CACNA2D2: variants seen among roughly 807,000 people sequenced by gnomAD.
CACNA2D2 encodes calcium voltage-gated channel auxiliary subunit alpha2delta 2.
CACNA2D2 carries 48 observed loss-of-function variants against 166.4 expected under a neutral mutation model. The observed-to-expected ratio is 0.29, with a 90% confidence interval of 0.23 to 0.37. The LOEUF (loss-of-function observed/expected upper bound fraction) is 0.37, where lower values mean the gene tolerates loss of function less well. Among genes scored for constraint, CACNA2D2 ranks in the 10% least tolerant of loss-of-function variants. The probability of loss-of-function intolerance (pLI) is 1.00; values close to 1 mark genes in which losing one functional copy is unlikely to be tolerated. For synonymous variants in CACNA2D2, 561 were observed against 573.7 expected (o/e 0.98, Z 0.32); for missense variants, 1,122 against 1,433.0 (o/e 0.78, Z 3.50).
intron 2 of CACNA2D2, among the ~76,000 whole-genome samples, chr3:50,459,635 G>C (rs962346356): frequency 6.6e-6 from 1 of 152,182 alleles, no homozygotes; most frequent in African/African-American, 2.4e-5. Flanking sequence ...AAGGGACCTA[G>C]GTGCGAACTC....
At chr3:50,425,946 T>C (rs1446552868) in intron 3 of CACNA2D2, among the ~76,000 whole-genome samples, 2 of 152,178 alleles carry the variant, frequency 1.3e-5, no homozygotes, top group Admixed American at 6.5e-5. Flanking sequence ...GGACTGGCCA[T>C]CCTCTCCAGC....
chr3:50,418,630 G>A (rs754374189), intron 3 of CACNA2D2, among the ~76,000 whole-genome samples: 1 of 152,242 alleles, frequency 6.6e-6, no homozygotes, highest in Non-Finnish European at 1.5e-5. Flanking sequence ...GGGGGCCAGT[G>A]TGCAGGGATC....
chr3:50,431,787 C>T (rs1473839231), intron 3 of CACNA2D2, among the ~76,000 whole-genome samples: 4 of 151,938 alleles, frequency 2.6e-5, no homozygotes. Flanking sequence ...GAGTTTGAGA[C>T]CAGCCTAGCC....
rs758879318 is a variant in CACNA2D2, at chr3:50,367,615, G to A, written c.2297+27C>T. ...ATGCAGGTTCCCTGGCAGGGGCAGG[G>A]TTTGGGTAGTGGGATAGGTCACTTA... On this transcript the variant is annotated intron_variant, in intron 26 of 37. Coordinates refer to ENST00000424201, the MANE Select transcript of CACNA2D2 (RefSeq NM_006030.4). The surrounding 1 kb of genome is among the most constrained non-coding windows in gnomAD (Gnocchi z 6.5). 2.5e-5 allele frequency: 41 copies of A among 1,610,666 alleles called. No individual in the cohort carries two copies. In the South Asian group the frequency reaches 3.7e-4, roughly 15 times the overall value.
intron 2 of CACNA2D2, among the ~76,000 whole-genome samples, chr3:50,446,735 C>A (rs2106939347): frequency 6.6e-6 from 1 of 152,372 alleles, no homozygotes; most frequent in South Asian, 2.1e-4. Context: ...GCCCCTAATT[C>A]ATTTGCCTGG....
At chr3:50,415,041 C>A (rs17050977) in intron 3 of CACNA2D2, among the ~76,000 whole-genome samples, 4,746 of 152,296 alleles carry the variant, frequency 0.031, 243 homozygotes, top group African/African-American at 0.11. Context: ...AAAGGCCTCC[C>A]GGAGAACGCG....
rs1697755969 is a variant in CACNA2D2, at chr3:50,476,207, CAG to C, written c.207-10_207-9del. The C allele has an allele frequency of 1.3e-6, 2 of 1,580,032 alleles. No individual in the cohort carries two copies. Among genetic ancestry groups the C allele is most frequent in the Non-Finnish European group, 1.7e-6 (2 of 1,164,058 alleles). On this transcript the variant is annotated splice_polypyrimidine_tract_variant and intron_variant, in intron 1 of 37. Transcript: ENST00000424201. ...CGGGCCCAGTGCTGCATCCTGTATG[CAG>C]AGAGAGGAGAGAGGTGTCAGGAGGG...
At chr3:50,388,597 G>A (rs966218638) in intron 4 of CACNA2D2, among the ~76,000 whole-genome samples, 1 of 152,236 alleles carries the variant, frequency 6.6e-6, no homozygotes, top group African/African-American at 2.4e-5. Flanking sequence ...GGCAGGCAGA[G>A]CCAGCACTCA....
chr3:50,478,160 C>T (rs910077740), intron 1 of CACNA2D2, among the ~76,000 whole-genome samples: 7 of 152,238 alleles, frequency 4.6e-5, no homozygotes, highest in African/African-American at 1.7e-4. Flanking sequence ...GAAAATCTAA[C>T]CCTGAGTGCG....
chr3:50,458,270 G>T (rs879798027), intron 2 of CACNA2D2, among the ~76,000 whole-genome samples: 1 of 152,228 alleles, frequency 6.6e-6, no homozygotes, highest in Non-Finnish European at 1.5e-5. Context: ...AGAGAACCAG[G>T]CTGCTCAAGT....
chr3:50,418,732 G>C (rs1296520490), intron 3 of CACNA2D2, among the ~76,000 whole-genome samples: 1 of 152,240 alleles, frequency 6.6e-6, no homozygotes, highest in Non-Finnish European at 1.5e-5. Context: ...GGCTGCTGCA[G>C]GGTGGAGAGG....
intron 3 of CACNA2D2, among the ~76,000 whole-genome samples, chr3:50,428,609 A>C (rs763200296): frequency 2.0e-4 from 30 of 152,224 alleles, no homozygotes; most frequent in Non-Finnish European, 1.3e-4. Context: ...AATGGTGGGA[A>C]CAATGCCCAC....
chr3:50,383,041 C>A (rs1705409398), intron 6 of CACNA2D2, among the ~76,000 whole-genome samples: 1 of 152,258 alleles, frequency 6.6e-6, no homozygotes, highest in Admixed American at 6.5e-5. Context: ...CCCCCTTAGG[C>A]AGGTGATTAC....
At chr3:50,441,525 C>T (rs956032264) in intron 2 of CACNA2D2, among the ~76,000 whole-genome samples, 2 of 152,262 alleles carry the variant, frequency 1.3e-5, no homozygotes, top group Admixed American at 6.5e-5. Flanking sequence ...CAAGCAAGGG[C>T]CAGTCTGTGC....
At chr3:50,447,663 T>A (rs917343484) in intron 2 of CACNA2D2, among the ~76,000 whole-genome samples, 6 of 152,070 alleles carry the variant, frequency 3.9e-5, no homozygotes, top group African/African-American at 1.2e-4. Context: ...GTGGCCTGAG[T>A]TGGTCCTGCT....
intron 14 of CACNA2D2, 36 bp downstream of exon 14, chr3:50,378,248 C>T (rs750076722): frequency 4.5e-6 from 7 of 1,555,910 alleles, no homozygotes; most frequent in South Asian, 1.2e-5. Flanking sequence ...TGCAGGGAAG[C>T]CAGGGGCTGG....
chr3:50,493,770 C>G (rs6792502), intron 1 of CACNA2D2, among the ~76,000 whole-genome samples: 1 of 152,070 alleles, frequency 6.6e-6, no homozygotes, highest in Non-Finnish European at 1.5e-5. Flanking sequence ...GAGCTGGAGG[C>G]GGGGCACGGG....
At chr3:50,382,978 G>A (rs922066567) in intron 6 of CACNA2D2, among the ~76,000 whole-genome samples, 2 of 152,206 alleles carry the variant, frequency 1.3e-5, no homozygotes, top group Non-Finnish European at 2.9e-5. Flanking sequence ...GCACAGACCC[G>A]TACCCACCTG....
intron 1 of CACNA2D2, among the ~76,000 whole-genome samples, chr3:50,493,460 T>C (rs1339229145): frequency 6.6e-6 from 1 of 152,220 alleles, no homozygotes; most frequent in African/African-American, 2.4e-5. Flanking sequence ...AGATGATGCC[T>C]GGAGCTGTGG....
Sources: allele counts gnomAD v4.1 joint callset (sites outside exome capture counted in the v4.1 genomes callset), GRCh38; gene constraint gnomAD v4.1.1; non-coding constraint Gnocchi (gnomAD v3.1); transcripts MANE v1.5; gene names NCBI Gene and HGNC (gene_info 2026-07-23, HGNC 2026-07-21).